The following FRMPD4 variants were observed in gnomAD, a reference collection of about 807,000 sequenced individuals.
FRMPD4 encodes FERM and PDZ domain-containing protein 4.
FRMPD4 carries 22 observed loss-of-function variants against 94.1 expected under a neutral mutation model. That is an observed-to-expected ratio of 0.23 (90% CI 0.17 to 0.33). The LOEUF is 0.33. FRMPD4 is among the 10% of genes least tolerant of loss of function. FRMPD4 has a pLI of 1.00. For missense variants in FRMPD4, 1,111 were observed against 1,339.9 expected, an observed-to-expected ratio of 0.83 and a Z score of 2.67; for synonymous variants, 631 against 548.6, an observed-to-expected ratio of 1.15 and a Z score of -2.10.
chrX:11,839,789 A>G (rs2053523052), intron 1 of FRMPD4, among the ~76,000 whole-genome samples: 1 of 109,516 alleles, frequency 9.1e-6, no homozygotes, highest in Admixed American at 9.7e-5. Flanking sequence ...ATTGATTCTC[A>G]ATTTTCCTGG....
intron 1 of FRMPD4, among the ~76,000 whole-genome samples, chrX:12,192,950 G>A (rs2056508376): frequency 1.8e-5 from 2 of 111,985 alleles, no homozygotes; most frequent in African/African-American, 6.5e-5. Context: ...TTATCCAACT[G>A]CTGTTGTTGC....
intron 1 of FRMPD4, among the ~76,000 whole-genome samples, chrX:12,472,829 A>G (rs1158812948): frequency 9.0e-6 from 1 of 111,523 alleles, no homozygotes; most frequent in African/African-American, 3.3e-5. Context: ...GACCAAATCT[A>G]CGTCTGATTG....
intron 2 of FRMPD4, among the ~76,000 whole-genome samples, chrX:12,583,119 G>C (rs983665073): frequency 1.8e-5 from 2 of 111,867 alleles, no homozygotes; most frequent in Non-Finnish European, 3.8e-5. Flanking sequence ...TTTGACCCTG[G>C]CATCTGCCAC....
At chrX:11,898,543 T>C (rs1443428221) in intron 3 of FRMPD4, among the ~76,000 whole-genome samples, 1 of 111,812 alleles carries the variant, frequency 8.9e-6, no homozygotes, top group Non-Finnish European at 1.9e-5. Flanking sequence ...GGTGAGACCA[T>C]AGAAATATAT....
chrX:12,595,910 A>C (rs991980865), intron 2 of FRMPD4, among the ~76,000 whole-genome samples: 3 of 112,386 alleles, frequency 2.7e-5, no homozygotes, highest in Non-Finnish European at 5.6e-5. Flanking sequence ...TCTAATCTAT[A>C]TGCATTCCAA....
intron 1 of FRMPD4, among the ~76,000 whole-genome samples, chrX:12,222,804 G>T (rs1322229490): frequency 1.8e-5 from 2 of 112,076 alleles, no homozygotes; most frequent in Non-Finnish European, 3.8e-5. Context: ...CAGTTATGTT[G>T]TTTCAACTCT....
intron 9 of FRMPD4, among the ~76,000 whole-genome samples, chrX:12,699,885 C>CT (rs1402708824): frequency 1.1e-4 from 12 of 111,000 alleles, no homozygotes; most frequent in Admixed American, 9.4e-5. Context: ...TGACCTAATG[C>CT]TAACGGACTG....
chrX:11,826,191 G>A (rs1179831450), intron 1 of FRMPD4, among the ~76,000 whole-genome samples: 7 of 111,889 alleles, frequency 6.3e-5, no homozygotes, highest in African/African-American at 2.3e-4. Context: ...ACTCATCTAA[G>A]TTTGCCAAAG....
At chrX:12,040,341 C>G (rs1286253866) in intron 3 of FRMPD4, among the ~76,000 whole-genome samples, 1 of 89,358 alleles carries the variant, frequency 1.1e-5, no homozygotes, top group African/African-American at 4.2e-5. Context: ...GTCTTTTTTT[C>G]TAGTGGTAAT....
chrX:12,176,995 AAAAAT>A (rs1404604647), intron 1 of FRMPD4, among the ~76,000 whole-genome samples: 1 of 112,419 alleles, frequency 8.9e-6, no homozygotes, highest in African/African-American at 3.2e-5. Flanking sequence ...TCTGTGGAAT[AAAAAT>A]AAAAAGCCAT....
chrX:12,067,722 G>C (rs1245441707), intron 3 of FRMPD4, among the ~76,000 whole-genome samples: 2 of 111,862 alleles, frequency 1.8e-5, no homozygotes, highest in Admixed American at 9.5e-5. Flanking sequence ...GGCCAGTGGA[G>C]ATACTTTTAA....
chrX:12,281,439 A>ATC (rs201321345), intron 1 of FRMPD4, among the ~76,000 whole-genome samples: 2,351 of 108,185 alleles, frequency 0.022, 29 homozygotes, highest in Admixed American at 0.056. Context: ...CAGTGGTATG[A>ATC]TCTCTGTTCA....
chrX:12,399,165 G>T (rs141418022), intron 1 of FRMPD4, among the ~76,000 whole-genome samples: 3 of 111,552 alleles, frequency 2.7e-5, no homozygotes, highest in African/African-American at 9.8e-5. Flanking sequence ...TGCTGATTGC[G>T]CTGTGTGCTT....
intron 2 of FRMPD4, among the ~76,000 whole-genome samples, chrX:12,535,123 C>G (rs140254169): frequency 0.018 from 1,979 of 111,365 alleles, 43 homozygotes; most frequent in African/African-American, 0.062. Flanking sequence ...CTGACAAGAT[C>G]TGATGGTTGC....
At chrX:12,210,722 C>T (rs1162170299) in intron 1 of FRMPD4, among the ~76,000 whole-genome samples, 1 of 110,361 alleles carries the variant, frequency 9.1e-6, no homozygotes, top group Non-Finnish European at 1.9e-5. Context: ...TGCCCCGCCT[C>T]CCCCACCGAC....
At chrX:12,137,906 T>C (rs2147560897), upstream of FRMPD4, among the ~76,000 whole-genome samples, 1 of 112,285 alleles carries the variant, frequency 8.9e-6, no homozygotes, top group African/African-American at 3.2e-5. Context: ...CTAATCCTTC[T>C]CTTTCCTTAG....
At chrX:12,620,438 G>A (rs927097201) in intron 4 of FRMPD4, among the ~76,000 whole-genome samples, 1 of 112,212 alleles carries the variant, frequency 8.9e-6, no homozygotes, top group South Asian at 3.7e-4. Context: ...GACCAGTTAT[G>A]CTTACTCAGA....
intron 3 of FRMPD4, among the ~76,000 whole-genome samples, chrX:11,972,643 T>G (rs763138597): frequency 8.9e-6 from 1 of 112,339 alleles, no homozygotes; most frequent in South Asian, 3.7e-4. Flanking sequence ...GCTTACTTCT[T>G]TAACTCCTCT....
chrX:12,274,700 A>G (rs1021851869), intron 1 of FRMPD4, among the ~76,000 whole-genome samples: 1 of 112,484 alleles, frequency 8.9e-6, no homozygotes, highest in Non-Finnish European at 1.9e-5. Flanking sequence ...TTTTAGGAGC[A>G]TGTTCGGGAG....
Sources: gnomAD v4.1 joint callset for allele counts (sites outside exome capture counted in the v4.1 genomes callset) on GRCh38, gnomAD v4.1.1 for gene constraint, MANE v1.5 for transcripts, NCBI Gene and HGNC (gene_info 2026-07-23, HGNC 2026-07-21) for gene names.